Variants in PSEN1 observed in about 807,000 individuals in gnomAD.
PSEN1 encodes presenilin-1.
In PSEN1, 15 loss-of-function variants were observed where a neutral mutation model predicts 53.5. The ratio of observed to expected loss-of-function variants is 0.28; its 90% CI spans 0.19 to 0.43. PSEN1 has a LOEUF of 0.43. Among genes scored for constraint, PSEN1 ranks in the 20% least tolerant of loss-of-function variants. The probability of loss-of-function intolerance (pLI) is 1.00; values close to 1 mark genes in which losing one functional copy is unlikely to be tolerated. For synonymous variants in PSEN1, 208 were observed against 209.8 expected (o/e 0.99, Z 0.08); for missense variants, 387 against 571.2 (o/e 0.68, Z 3.29).
At chr14:73,184,127 G>A (rs1274088846) in intron 5 of PSEN1, among the ~76,000 whole-genome samples, 4 of 112,918 alleles carry the variant, frequency 3.5e-5, no homozygotes, top group African/African-American at 1.2e-4. Flanking sequence ...CCTCCCTCCC[G>A]GACAGGGCGG....
At chr14:73,217,101 A>G in intron 10 of PSEN1, 25 bp from the exon 11 acceptor site, 1 of 1,613,316 alleles carries the variant, frequency 6.2e-7, no homozygotes, top group Admixed American at 1.7e-5. Flanking sequence ...CCAACTTTTT[A>G]ATATTTGTAA....
intron 10 of PSEN1, among the ~76,000 whole-genome samples, chr14:73,214,881 A>C (rs756889718): frequency 2.0e-5 from 3 of 152,194 alleles, no homozygotes; most frequent in Non-Finnish European, 4.4e-5. Context: ...CAATGATACG[A>C]TTATACCTAG....
At chr14:73,139,697 CTTG>C (rs1459361516) in intron 1 of PSEN1, among the ~76,000 whole-genome samples, 1 of 152,182 alleles carries the variant, frequency 6.6e-6, no homozygotes, top group African/African-American at 2.4e-5. Context: ...TAAAAATTTA[CTTG>C]TTTTGCCCTC....
Position 73,217,040 on chromosome 14 carries a change from G to A in PSEN1, c.1130-86G>A, listed in dbSNP as rs1899945514. The A allele has an allele frequency of 2.9e-6, 4 of 1,378,112 alleles. No individual in the cohort carries two copies. In the East Asian group the frequency reaches 9.1e-5, roughly 31 times the overall value. The allele number at this position is 1,378,112 out of a possible 1,614,324, so 85.4% of individuals were successfully genotyped here. On this transcript the variant is annotated intron_variant, in intron 10 of 11. Coordinates refer to ENST00000324501, the MANE Select transcript of PSEN1 (RefSeq NM_000021.4). ...ACTGACTTCTCTCATTCATTGTGGG[G>A]TTGAGTAGGGCAGTGATATTTTTGA...
At chr14:73,140,695 T>C (rs1809178209) in intron 1 of PSEN1, among the ~76,000 whole-genome samples, 2 of 152,132 alleles carry the variant, frequency 1.3e-5, no homozygotes, top group African/African-American at 4.8e-5. Flanking sequence ...CTTTACAAAA[T>C]CCAAAAAAAT....
At chr14:73,204,663 G>A (rs1328869428) in intron 8 of PSEN1, among the ~76,000 whole-genome samples, 4 of 152,152 alleles carry the variant, frequency 2.6e-5, no homozygotes, top group Admixed American at 2.6e-4. Context: ...AAAGGAGCTT[G>A]TAGCTATATT....
chr14:73,147,772 G>A, intron 1 of PSEN1, 23 bp from the exon 2 acceptor site: 1 of 516,936 alleles, frequency 1.9e-6, no homozygotes, highest in Non-Finnish European at 3.5e-6. Flanking sequence ...AACAATGGAT[G>A]ACCTGGTGAA....
intron 3 of PSEN1, 134 bp from the exon 4 acceptor site, chr14:73,170,662 TC>T (rs34365321): frequency 1.1e-6 from 1 of 913,168 alleles, no homozygotes; most frequent in Non-Finnish European, 1.7e-6. Flanking sequence ...ACTGCATACT[TC>T]CTGTACATTG....
At chr14:73,207,316 A>C (rs1032879957) in intron 9 of PSEN1, among the ~76,000 whole-genome samples, 27 of 151,960 alleles carry the variant, frequency 1.8e-4, no homozygotes, top group South Asian at 4.2e-4. Context: ...ACCTTCCCAC[A>C]CACACTAAAA....
At chr14:73,139,920 A>G (rs1374671426) in intron 1 of PSEN1, among the ~76,000 whole-genome samples, 1 of 152,224 alleles carries the variant, frequency 6.6e-6, no homozygotes, top group Non-Finnish European at 1.5e-5. Flanking sequence ...TAAGTTGATC[A>G]AAGCAAAAGA....
intron 11 of PSEN1, among the ~76,000 whole-genome samples, chr14:73,218,665 G>A (rs904904350): frequency 2.0e-5 from 3 of 149,348 alleles, no homozygotes; most frequent in Non-Finnish European, 2.9e-5. Flanking sequence ...GAATGCTCCC[G>A]CACAGCATAG....
chr14:73,180,204 C>G (rs1023435506), intron 5 of PSEN1, among the ~76,000 whole-genome samples: 3 of 152,096 alleles, frequency 2.0e-5, no homozygotes, highest in Non-Finnish European at 2.9e-5. Flanking sequence ...AGGCTGGTCT[C>G]GAACTTCTGA....
At chr14:73,214,188 T>A (rs1899815774) in intron 10 of PSEN1, among the ~76,000 whole-genome samples, 1 of 151,918 alleles carries the variant, frequency 6.6e-6, no homozygotes, top group African/African-American at 2.4e-5. Flanking sequence ...AGGATGAGCT[T>A]GTTACTGGCA....
At chr14:73,192,596 G>T in intron 6 of PSEN1, 48 bp from the exon 7 acceptor site, 2 of 1,276,538 alleles carry the variant, frequency 1.6e-6, no homozygotes, top group African/African-American at 1.5e-5. Context: ...ATAATGTTTT[G>T]GTGAAAATTA....
chr14:73,185,054 C>G (rs1311166594), intron 5 of PSEN1, among the ~76,000 whole-genome samples: 1 of 149,918 alleles, frequency 6.7e-6, no homozygotes, highest in African/African-American at 2.5e-5. Flanking sequence ...TGATGGCAGC[C>G]GGGCAGAGGT....
At chr14:73,207,311 C>T (rs1594751139) in intron 9 of PSEN1, among the ~76,000 whole-genome samples, 2 of 151,048 alleles carry the variant, frequency 1.3e-5, no homozygotes, top group East Asian at 3.9e-4. Context: ...AGGCTACCTT[C>T]CCACACACAC....
chr14:73,210,588 G>A (rs548878380), intron 9 of PSEN1, among the ~76,000 whole-genome samples: 97 of 152,324 alleles, frequency 6.4e-4, no homozygotes, highest in Non-Finnish European at 1.2e-3. Context: ...CAGAAGTGAG[G>A]AGGGAGGGGG....
At chr14:73,184,502 C>G (rs868767612) in intron 5 of PSEN1, among the ~76,000 whole-genome samples, 3 of 101,486 alleles carry the variant, frequency 3.0e-5, no homozygotes, top group Non-Finnish European at 6.5e-5. Context: ...GACGGGGCGG[C>G]TGGCCGGGCG....
chr14:73,202,419 TATATATATATATATATA>T (rs1566648092), intron 8 of PSEN1, among the ~76,000 whole-genome samples: 674 of 20,580 alleles, frequency 0.033, 18 homozygotes, highest in African/African-American at 0.077. Context: ...TATCACATAC[TATATATATATATATATA>T]TATATATATA....
Sources: gnomAD v4.1 joint callset for allele counts (sites outside exome capture counted in the v4.1 genomes callset) on GRCh38, gnomAD v4.1.1 for gene constraint, MANE v1.5 for transcripts, NCBI Gene and HGNC (gene_info 2026-07-23, HGNC 2026-07-21) for gene names.